PDLIM4: variants seen among roughly 807,000 people sequenced by gnomAD.
PDLIM4 encodes PDZ and LIM domain 4.
A neutral mutation model predicts 31.3 loss-of-function variants in PDLIM4; 19 were observed. The ratio of observed to expected loss-of-function variants is 0.61; its 90% CI spans 0.42 to 0.89. The LOEUF is 0.89. Among genes scored for constraint, PDLIM4 ranks in the 40% least tolerant of loss-of-function variants. The probability of loss-of-function intolerance (pLI) is 0.00; values close to 1 mark genes in which losing one functional copy is unlikely to be tolerated. For missense variants in PDLIM4, 442 were observed against 461.1 expected, an observed-to-expected ratio of 0.96 and a Z score of 0.38; for synonymous variants, 176 against 190.1, an observed-to-expected ratio of 0.93 and a Z score of 0.61.
At chr5:132,261,583 G>A (rs1450360590) in intron 1 of PDLIM4, 3 of 152,260 alleles carry the variant, frequency 2.0e-5, no homozygotes, top group African/African-American at 7.2e-5. Flanking sequence ...TCAAGGCAGG[G>A]TGAGGGGTGC....
At chr5:132,262,516 G>A in intron 1 of PDLIM4, 93 bp from the exon 2 acceptor site, 3 of 1,217,704 alleles carry the variant, frequency 2.5e-6, no homozygotes, top group Non-Finnish European at 3.4e-6. Context: ...AGGCCACACT[G>A]GCTAGGTTCT....
chr5:132,270,478 C>T (rs1756581064), intron 3 of PDLIM4: 1 of 204,672 alleles, frequency 4.9e-6, no homozygotes, highest in South Asian at 1.1e-4. Context: ...TGGGCCTACC[C>T]AGTACCCACC....
At position 132,271,900 on chromosome 5, in the gene PDLIM4, C is replaced by T. The variant is rs762507226; in HGVS notation, c.780C>T (p.His260=). 5.4e-5 allele frequency: 87 copies of T among 1,606,226 alleles called. No individual in the cohort carries two copies. Among genetic ancestry groups the T allele is most frequent in the Middle Eastern group, 4.9e-4 (3 of 6,064 alleles). Residue 260 remains histidine, a synonymous_variant, in exon 6 of 7, where the codon CAC becomes CAT. Transcript: ENST00000253754. Reference sequence around the variant, plus strand: ...TGCCCGAGTGCACGCGCTGCGGCCACGGCATCGTGTGAGTAACCGCCCCCG... The same window carrying T: ...TGCCCGAGTGCACGCGCTGCGGCCATGGCATCGTGTGAGTAACCGCCCCCG... The part of the protein sequence containing the change: ...QGLPECTRCG[H]GIVGTIVKAR...
chr5:132,258,486 C>G (rs943120842), intron 1 of PDLIM4, among the ~76,000 whole-genome samples: 3 of 152,214 alleles, frequency 2.0e-5, no homozygotes, highest in Non-Finnish European at 2.9e-5. Context: ...GCCCGTTCCT[C>G]AAGTTTCCCA....
At chr5:132,267,618 G>A (rs1488286017) in intron 3 of PDLIM4, among the ~76,000 whole-genome samples, 1 of 152,210 alleles carries the variant, frequency 6.6e-6, no homozygotes, top group East Asian at 1.9e-4. Flanking sequence ...GCTAGGAATG[G>A]TAAGGCAGGC....
intron 5 of PDLIM4, 57 bp from the exon 6 acceptor site, chr5:132,271,734 A>G (rs749573920): frequency 2.4e-6 from 3 of 1,248,886 alleles, no homozygotes; most frequent in Non-Finnish European, 3.5e-6. Flanking sequence ...AACACCCCGC[A>G]GAAATGGAGT....
intron 3 of PDLIM4, chr5:132,270,357 C>T (rs1394678753): frequency 6.5e-6 from 1 of 153,228 alleles, no homozygotes; most frequent in Non-Finnish European, 1.5e-5. Flanking sequence ...AGGGGCTGAC[C>T]TCACAATGGC....
At chr5:132,268,110 C>A (rs913855239) in intron 3 of PDLIM4, among the ~76,000 whole-genome samples, 3 of 152,172 alleles carry the variant, frequency 2.0e-5, no homozygotes, top group Non-Finnish European at 2.9e-5. Flanking sequence ...CCCCTGCCCC[C>A]ACACTTGTTC....
chr5:132,266,968 T>A (rs1213144249), intron 3 of PDLIM4, among the ~76,000 whole-genome samples: 2 of 152,220 alleles, frequency 1.3e-5, no homozygotes, highest in African/African-American at 2.4e-5. Flanking sequence ...CTGAGTGCCC[T>A]ATCCAAGCCT....
At chr5:132,258,747 C>T (rs972422530) in intron 1 of PDLIM4, among the ~76,000 whole-genome samples, 3 of 152,354 alleles carry the variant, frequency 2.0e-5, no homozygotes, top group South Asian at 4.1e-4. Context: ...CTGCCCTTGG[C>T]GGCTCTCAGT....
At chr5:132,264,185 G>A (rs1254465323) in intron 2 of PDLIM4, among the ~76,000 whole-genome samples, 1 of 152,160 alleles carries the variant, frequency 6.6e-6, no homozygotes, top group African/African-American at 2.4e-5. Context: ...TTCTCAGAGT[G>A]TATGATGTCA....
At chr5:132,268,857 C>T (rs909164135) in intron 3 of PDLIM4, among the ~76,000 whole-genome samples, 2 of 152,172 alleles carry the variant, frequency 1.3e-5, no homozygotes, top group African/African-American at 4.8e-5. Flanking sequence ...GCTTCAACAA[C>T]CAAGTGGGCA....
chr5:132,265,492 C>T (rs1057236808), intron 2 of PDLIM4, among the ~76,000 whole-genome samples: 2 of 152,178 alleles, frequency 1.3e-5, no homozygotes, highest in African/African-American at 2.4e-5. Context: ...TACCAAAGGC[C>T]TGGAGTAGAG....
intron 5 of PDLIM4, 79 bp from the exon 6 acceptor site, chr5:132,271,712 G>A: frequency 8.8e-7 from 1 of 1,130,020 alleles, no homozygotes; most frequent in Non-Finnish European, 1.4e-6. Context: ...TGGCCCGTCT[G>A]GCGCCCAACC....
intron 2 of PDLIM4, among the ~76,000 whole-genome samples, chr5:132,264,794 A>G (rs568600765): frequency 1.5e-5 from 2 of 137,158 alleles, no homozygotes; most frequent in East Asian, 2.2e-4. Context: ...AGGGCTCTGC[A>G]GTAAATCAGC....
intron 1 of PDLIM4, 141 bp from the exon 2 acceptor site, chr5:132,262,468 G>A (rs1756394867): frequency 1.4e-6 from 1 of 695,554 alleles, no homozygotes; most frequent in Non-Finnish European, 2.3e-6. Flanking sequence ...ACCTCAACCA[G>A]CCACTCGGCT....
intron 1 of PDLIM4, among the ~76,000 whole-genome samples, chr5:132,259,712 G>A (rs1466930389): frequency 6.6e-6 from 1 of 152,166 alleles, no homozygotes; most frequent in African/African-American, 2.4e-5. Context: ...TCCCCTACGC[G>A]GGACCTGGTA....
intron 3 of PDLIM4, 68 bp from the exon 4 acceptor site, chr5:132,270,847 G>A: frequency 7.2e-7 from 1 of 1,392,494 alleles, no homozygotes; most frequent in Non-Finnish European, 1.0e-6. Flanking sequence ...AGCAGGGTGG[G>A]GGTGGGGTGA....
intron 4 of PDLIM4, 83 bp downstream of exon 4, chr5:132,271,176 C>A: frequency 6.6e-7 from 1 of 1,504,154 alleles, no homozygotes; most frequent in African/African-American, 1.4e-5. Context: ...CCCACTCTGA[C>A]CCCTGACACT....
Sources: gnomAD v4.1 joint callset for allele counts (sites outside exome capture counted in the v4.1 genomes callset) on GRCh38, gnomAD v4.1.1 for gene constraint, MANE v1.5 for transcripts, NCBI Gene and HGNC (gene_info 2026-07-23, HGNC 2026-07-21) for gene names.